Variants in DMC1 observed in about 807,000 individuals in gnomAD.
The protein encoded by DMC1 is DNA meiotic recombinase 1, also known as meiotic recombination protein DMC1 homolog.
Under a neutral mutation model 50.1 loss-of-function variants are expected in DMC1, and 27 were observed. The ratio of observed to expected loss-of-function variants is 0.54; its 90% CI spans 0.40 to 0.74. The LOEUF is 0.74. DMC1 is among the 30% of genes least tolerant of loss of function. The probability of loss-of-function intolerance (pLI) is 0.00; values close to 1 mark genes in which losing one functional copy is unlikely to be tolerated. For missense variants in DMC1, 295 were observed against 420.2 expected (o/e 0.70, Z 2.60); for synonymous variants, 148 against 136.1 (o/e 1.09, Z -0.61).
intron 7 of DMC1, among the ~76,000 whole-genome samples, chr22:38,551,601 A>T (rs2090411945): frequency 6.6e-6 from 1 of 152,124 alleles, no homozygotes; most frequent in Non-Finnish European, 1.5e-5. Context: ...AAGTGCTGGG[A>T]TTACAGGTGT....
At position 38,519,501 on chromosome 22, in the gene DMC1, G is replaced by C. The variant is rs2090000530; in HGVS notation, c.*519C>G. 6.4e-6 allele frequency: 1 copy of C among 156,564 alleles called. No homozygotes were observed. Among genetic ancestry groups the C allele is most frequent in the Non-Finnish European group, 1.4e-5 (1 of 70,566 alleles). 9.7% of individuals were successfully genotyped at this position (156,564 alleles called of 1,614,324 possible). A position where few individuals can be genotyped will look rare whatever the true frequency, so the allele number is the denominator to read the frequency against. On this transcript the variant is annotated 3_prime_UTR_variant, in exon 14 of 14. Coordinates refer to ENST00000216024, the MANE Select transcript of DMC1 (RefSeq NM_007068.4). ...ATAAATAGAAAGAGCTTTTGTGTGT[G>C]TGTCCTATAAACATTCCTCCCTTAA... is the stretch of plus-strand genomic sequence containing the variant.
At chr22:38,550,418 ATTC>A (rs1672132202) in intron 7 of DMC1, among the ~76,000 whole-genome samples, 2 of 150,130 alleles carry the variant, frequency 1.3e-5, no homozygotes, top group Admixed American at 6.6e-5. Context: ...GGTTCAAGCA[ATTC>A]TTCTGCCTCA....
intron 7 of DMC1, among the ~76,000 whole-genome samples, chr22:38,550,798 G>A (rs1378299374): frequency 6.6e-6 from 1 of 150,652 alleles, no homozygotes; most frequent in Non-Finnish European, 1.5e-5. Flanking sequence ...GGGTGTGGTG[G>A]TGCATGCCTG....
At chr22:38,534,125 C>T (rs368980440) in intron 12 of DMC1, among the ~76,000 whole-genome samples, 1 of 152,178 alleles carries the variant, frequency 6.6e-6, no homozygotes, top group South Asian at 2.1e-4. Context: ...ACACGCAGTG[C>T]ATGTTCTTCA....
chr22:38,512,271 A>G, the DMC1 span, among the ~76,000 whole-genome samples: 1 of 152,072 alleles, frequency 6.6e-6, no homozygotes, highest in Non-Finnish European at 1.5e-5. Flanking sequence ...CACTGCACCC[A>G]GACTGCCTTT....
At chr22:38,541,049 G>C (rs2090275345) in intron 8 of DMC1, among the ~76,000 whole-genome samples, 1 of 152,038 alleles carries the variant, frequency 6.6e-6, no homozygotes, top group Non-Finnish European at 1.5e-5. Flanking sequence ...TACCTGTTTA[G>C]GATTAAACGA....
intron 8 of DMC1, among the ~76,000 whole-genome samples, chr22:38,540,451 A>G (rs1399232357): frequency 6.6e-6 from 1 of 152,240 alleles, no homozygotes; most frequent in Non-Finnish European, 1.5e-5. Flanking sequence ...CCTATAAACT[A>G]TAAAGGAGTA....
At chr22:38,513,299 C>T in the DMC1 span, among the ~76,000 whole-genome samples, 52 of 152,224 alleles carry the variant, frequency 3.4e-4, no homozygotes, top group African/African-American at 1.2e-3. Context: ...CCTCTAACCC[C>T]TGCTGTCATC....
chr22:38,562,369 C>G lies in DMC1; in HGVS notation c.244G>C (p.Glu82Gln). Residue 82 changes from glutamate (E) to glutamine (Q), a missense_variant and splice_region_variant, in exon 5 of 14, where the codon GAA (glutamate) becomes CAA (glutamine). Glu to Gln is a conservative substitution (Grantham distance 29). Transcript: ENST00000216024. ...TCAAATGCAGTCAAGAATCCTGGTT[C>G]CTACAGAAAGATAAAAGGAAATGTT... ...KIKEAANKLIEPGFLTAFEYS... is the reference protein window; with the variant it reads ...KIKEAANKLIQPGFLTAFEYS... The G allele has an allele frequency of 6.2e-7, 1 of 1,603,328 alleles. No homozygotes were observed. The highest frequency in any genetic ancestry group is 1.3e-5 in the African/African-American group (1 of 74,714).
chr22:38,568,485 G>A (rs917201716), intron 1 of DMC1, 196 bp from the exon 2 acceptor site: 4 of 575,026 alleles, frequency 7.0e-6, no homozygotes, highest in Non-Finnish European at 9.3e-6. Context: ...ATGTGTGTGT[G>A]TGTCCCCACA....
In DMC1 at chr22:38,538,314, T is replaced by C; in HGVS notation, c.756A>G (p.Arg252=). ...ATATACCTTCTGAGATTTTTTGGAGTCGTGACAACATCTGGGCCAATTTTT... is the reference window on the plus strand; with the variant it reads ...ATATACCTTCTGAGATTTTTTGGAGCCGTGACAACATCTGGGCCAATTTTT... ...RQQKLAQMLS[R]LQKISEEYNV... Residue 252 remains arginine, a synonymous_variant, in exon 11 of 14, where the codon CGA becomes CGG. Coordinates refer to ENST00000216024, the MANE Select transcript of DMC1 (RefSeq NM_007068.4). 1 of 1,613,848 alleles carries C rather than the reference T, an allele frequency of 6.2e-7. No individual in the cohort carries two copies. Among genetic ancestry groups the C allele is most frequent in the South Asian group, 1.1e-5 (1 of 91,074 alleles).
chr22:38,538,139 A>G (rs1424081445), intron 11 of DMC1, among the ~76,000 whole-genome samples, 156 bp downstream of exon 11: 2 of 152,046 alleles, frequency 1.3e-5, no homozygotes, highest in Admixed American at 6.6e-5. Flanking sequence ...GCGAGATACC[A>G]TCTCAAAAAA....
At chr22:38,552,803 T>C in intron 6 of DMC1, 96 bp from the exon 7 acceptor site, 2 of 840,974 alleles carry the variant, frequency 2.4e-6, no homozygotes, top group South Asian at 1.5e-5. Context: ...CTGTTTTCTT[T>C]TTCTTTTCCA....
At chr22:38,522,415 T>A (rs2090039594) in intron 12 of DMC1, among the ~76,000 whole-genome samples, 1 of 151,590 alleles carries the variant, frequency 6.6e-6, no homozygotes, top group African/African-American at 2.4e-5. Context: ...ATTAGCCAGG[T>A]GTGGTGGCGT....
chr22:38,546,738 A>C (rs2090348281), intron 8 of DMC1, among the ~76,000 whole-genome samples: 1 of 152,230 alleles, frequency 6.6e-6, no homozygotes, highest in Admixed American at 6.6e-5. Flanking sequence ...AGGCCTTGAA[A>C]TGAGAGCCTT....
chr22:38,514,655 A>G (rs2089963859), downstream of DMC1, among the ~76,000 whole-genome samples: 1 of 152,202 alleles, frequency 6.6e-6, no homozygotes, highest in African/African-American at 2.4e-5. Context: ...TGGCAATGAA[A>G]GTGACCTCTG....
chr22:38,513,713 G>A, the DMC1 span, among the ~76,000 whole-genome samples: 11 of 152,208 alleles, frequency 7.2e-5, no homozygotes, highest in Admixed American at 1.3e-4. Flanking sequence ...GAGTAGCTGG[G>A]ATTACAGGTG....
chr22:38,539,940 T>C (rs1190867687), intron 8 of DMC1, among the ~76,000 whole-genome samples: 2 of 152,218 alleles, frequency 1.3e-5, no homozygotes, highest in South Asian at 2.1e-4. Context: ...TGAAATAGTT[T>C]ATTATATTAT....
the DMC1 span, among the ~76,000 whole-genome samples, chr22:38,510,288 T>C: frequency 1.3e-5 from 2 of 152,140 alleles, no homozygotes; most frequent in African/African-American, 4.8e-5. Flanking sequence ...ACCCCGTCTC[T>C]ACTAAAAATA....
Sources: gnomAD v4.1 joint callset for allele counts (sites outside exome capture counted in the v4.1 genomes callset) on GRCh38, gnomAD v4.1.1 for gene constraint, MANE v1.5 for transcripts, NCBI Gene and HGNC (gene_info 2026-07-23, HGNC 2026-07-21) for gene names.